The following ADAMTS12 variants were observed in gnomAD, a reference collection of about 807,000 sequenced individuals.
The protein encoded by ADAMTS12 is A disintegrin and metalloproteinase with thrombospondin motifs 12.
Under a neutral mutation model 167.8 loss-of-function variants are expected in ADAMTS12, and 118 were observed. The ratio of observed to expected loss-of-function variants is 0.70; its 90% CI spans 0.61 to 0.82. ADAMTS12 has a LOEUF of 0.82. Among genes scored for constraint, ADAMTS12 ranks in the 40% least tolerant of loss-of-function variants. The pLI is 0.00. For synonymous variants in ADAMTS12, 704 were observed against 716.9 expected, an observed-to-expected ratio of 0.98 and a Z score of 0.29; for missense variants, 1,916 against 1,998.8, an observed-to-expected ratio of 0.96 and a Z score of 0.79.
chr5:33,778,595 A>T (rs1561266917), intron 2 of ADAMTS12, among the ~76,000 whole-genome samples: 2 of 152,174 alleles, frequency 1.3e-5, no homozygotes, highest in African/African-American at 4.8e-5. Context: ...ACTTATTGAC[A>T]TTGGTCTTGG....
intron 18 of ADAMTS12, among the ~76,000 whole-genome samples, chr5:33,585,696 T>C (rs975492969): frequency 2.0e-5 from 3 of 152,212 alleles, no homozygotes; most frequent in African/African-American, 7.2e-5. Context: ...CAAAGTAGGA[T>C]GGGCAAAACC....
intron 19 of ADAMTS12, among the ~76,000 whole-genome samples, chr5:33,571,877 A>G (rs1469188353): frequency 3.9e-5 from 6 of 152,112 alleles, no homozygotes; most frequent in Non-Finnish European, 8.8e-5. Context: ...AAAAAGAGAG[A>G]AGAATCAAAT....
intron 1 of ADAMTS12, among the ~76,000 whole-genome samples, chr5:33,888,450 T>G (rs935978107): frequency 1.3e-5 from 2 of 152,240 alleles, no homozygotes; most frequent in African/African-American, 4.8e-5. Flanking sequence ...CTGTATAGAT[T>G]ATTATAATCA....
At chr5:33,732,356 G>T (rs952977048) in intron 3 of ADAMTS12, among the ~76,000 whole-genome samples, 1 of 152,060 alleles carries the variant, frequency 6.6e-6, no homozygotes, top group Non-Finnish European at 1.5e-5. Flanking sequence ...TACATAAGAA[G>T]AGATAAAAAA....
At chr5:33,891,554 A>C (rs1454606466) in intron 1 of ADAMTS12, 176 bp downstream of exon 1, 2 of 841,950 alleles carry the variant, frequency 2.4e-6, no homozygotes, top group Admixed American at 2.8e-5. Context: ...CACCTTAAGC[A>C]CTGAATTCTG....
rs563083386 is a variant in ADAMTS12 at position 33,785,748 on chromosome 5, C to A, written c.490-34200G>T. ...TAAAATGGTACAATTATTTTGGAAA[C>A]CAGTTGGGCAGCTTCTCAAAAGACT... is the stretch of plus-strand genomic sequence containing the variant. On this transcript the variant is annotated intron_variant, in intron 2 of 23. Transcript: ENST00000504830. Among the ~76,000 whole-genome samples the A allele has an allele frequency of 5.5e-4, 83 of 152,196 alleles. 1 individual carries two copies. Among genetic ancestry groups the A allele is most frequent in the South Asian group, 3.7e-3 (18 of 4,826 alleles).
rs199986160 is a variant in ADAMTS12, at chr5:33,873,467, A to G, written c.489+7652T>C. ...CCATGCTAATGGATAGGAAGATTCAATGTTATTCAAATGTTAGTTCTTTCC... is the reference window on the plus strand; with the variant it reads ...CCATGCTAATGGATAGGAAGATTCAGTGTTATTCAAATGTTAGTTCTTTCC... On this transcript the variant is annotated intron_variant, in intron 2 of 23. Coordinates refer to ENST00000504830, the MANE Select transcript of ADAMTS12 (RefSeq NM_030955.4). 1.8e-4 allele frequency among the ~76,000 whole-genome samples: 28 copies of G among 152,340 alleles called. No individual in the cohort carries two copies. In the East Asian group the frequency reaches 5.4e-3, roughly 29 times the overall value.
chr5:33,884,938 C>T (rs1415776777), intron 1 of ADAMTS12, among the ~76,000 whole-genome samples: 5 of 152,046 alleles, frequency 3.3e-5, no homozygotes, highest in East Asian at 1.9e-4. Context: ...GGAGCACGAA[C>T]GAAAAGCAAT....
chr5:33,631,705 A>G (rs1739943021), intron 12 of ADAMTS12, among the ~76,000 whole-genome samples: 1 of 152,250 alleles, frequency 6.6e-6, no homozygotes, highest in Admixed American at 6.5e-5. Context: ...TAAAAATTTT[A>G]ATAGTGAATA....
chr5:33,806,374 T>C (rs1288538070), intron 2 of ADAMTS12, among the ~76,000 whole-genome samples: 1 of 152,206 alleles, frequency 6.6e-6, no homozygotes. Context: ...GGGAACACCA[T>C]TCATCATGGC....
Position 33,604,296 on chromosome 5 carries a change from G to A in ADAMTS12, c.2528-8236C>T, listed in dbSNP as rs1471508673. Among the ~76,000 whole-genome samples, 3 of 152,190 alleles carry A rather than the reference G, an allele frequency of 2.0e-5. No homozygotes were observed. In the East Asian group the frequency reaches 5.8e-4, roughly 29 times the overall value. On this transcript the variant is annotated intron_variant, in intron 16 of 23. Transcript: ENST00000504830. ...GTGGGCAGATCACCTGAGGTCAGGA[G>A]TTCGAGACCAGCCTGGCCAACATGG...
At chr5:33,641,687 T>C (rs1740450354) in intron 11 of ADAMTS12, 123 bp downstream of exon 11, 3 of 990,030 alleles carry the variant, frequency 3.0e-6, no homozygotes, top group Non-Finnish European at 4.1e-6. Flanking sequence ...TGTTTTGTCC[T>C]GGGAACCCAT....
At chr5:33,867,159 C>T (rs182315722) in intron 2 of ADAMTS12, among the ~76,000 whole-genome samples, 397 of 152,206 alleles carry the variant, frequency 2.6e-3, no homozygotes, top group Non-Finnish European at 4.8e-3. Flanking sequence ...CAACTGCATA[C>T]GTGTGTTTAT....
At chr5:33,681,998 T>C (rs1742137602) in intron 5 of ADAMTS12, among the ~76,000 whole-genome samples, 1 of 152,226 alleles carries the variant, frequency 6.6e-6, no homozygotes, top group South Asian at 2.1e-4. Flanking sequence ...TGATCAATTA[T>C]GGCTGCATTT....
chr5:33,752,216 T>G (rs574712041), intron 2 of ADAMTS12, among the ~76,000 whole-genome samples: 1 of 152,380 alleles, frequency 6.6e-6, no homozygotes, highest in East Asian at 1.9e-4. Flanking sequence ...AGGTCAGGTC[T>G]AGAAGTGCTA....
intron 2 of ADAMTS12, among the ~76,000 whole-genome samples, chr5:33,822,717 C>T (rs1747909708): frequency 6.6e-6 from 1 of 152,004 alleles, no homozygotes. Context: ...AAAAGGAGTA[C>T]TCTTCTTACT....
intron 3 of ADAMTS12, among the ~76,000 whole-genome samples, chr5:33,702,626 C>A (rs1743042466): frequency 6.6e-6 from 1 of 152,204 alleles, no homozygotes; most frequent in South Asian, 2.1e-4. Context: ...GGCACTATAT[C>A]TATTTTATCA....
At position 33,658,328 on chromosome 5, in the gene ADAMTS12, T is replaced by C; in HGVS notation, c.1046A>G (p.Asp349Gly). ...HDVAVLLTRKDICAGFNRPCE... is the reference protein window; with the variant it reads ...HDVAVLLTRKGICAGFNRPCE... ...GGGGCGATTGAAACCAGCACAGATG[T>C]CCTTTCTGAAAGCAGAGAATACAGA... Residue 349 changes from aspartate (D) to glycine (G), a missense_variant, in exon 7 of 24, where the codon GAC becomes GGC. Coordinates refer to ENST00000504830, the MANE Select transcript of ADAMTS12 (RefSeq NM_030955.4). 6.2e-7 allele frequency: 1 copy of C among 1,613,186 alleles called. No individual in the cohort carries two copies. Among genetic ancestry groups the C allele is most frequent in the Non-Finnish European group, 8.5e-7 (1 of 1,179,386 alleles).
chr5:33,604,202 T>C (rs1738316842), intron 16 of ADAMTS12, among the ~76,000 whole-genome samples: 1 of 152,176 alleles, frequency 6.6e-6, no homozygotes, highest in African/African-American at 2.4e-5. Flanking sequence ...TAATGAAAGA[T>C]GTCATAAACT....
Sources: allele counts gnomAD v4.1 joint callset (sites outside exome capture counted in the v4.1 genomes callset), GRCh38; gene constraint gnomAD v4.1.1; transcripts MANE v1.5; gene names NCBI Gene and HGNC (gene_info 2026-07-23, HGNC 2026-07-21).